ZNF711: variants seen among roughly 807,000 people sequenced by gnomAD.
The protein encoded by ZNF711 is ZFX family zinc finger ZNF711.
Under a neutral mutation model 43.5 loss-of-function variants are expected in ZNF711, and 3 were observed. The observed-to-expected ratio is 0.07, with a 90% CI of 0.03 to 0.18. The LOEUF (loss-of-function observed/expected upper bound fraction) is 0.18. Among genes scored for constraint, ZNF711 ranks in the 10% least tolerant of loss-of-function variants. The pLI is 1.00. For missense variants in ZNF711, 412 were observed against 604.0 expected, an observed-to-expected ratio of 0.68 and a Z score of 3.33; for synonymous variants, 209 against 207.7, an observed-to-expected ratio of 1.01 and a Z score of -0.06.
At chrX:85,259,921 A>G (rs1278198836) in intron 5 of ZNF711, among the ~76,000 whole-genome samples, 5 of 111,362 alleles carry the variant, frequency 4.5e-5, no homozygotes, top group African/African-American at 1.6e-4. Context: ...TTCCAGTACT[A>G]TGCTGAATAG....
At position 85,252,717 on chromosome X, in the gene ZNF711, C is replaced by T. The variant is rs748797394; in HGVS notation, c.80-2542C>T. 2.6e-3 allele frequency among the ~76,000 whole-genome samples: 290 copies of T among 111,560 alleles called. 2 individuals are homozygous for T. The highest frequency in any genetic ancestry group is 9.2e-3 in the African/African-American group (283 of 30,714). On this transcript the variant is annotated intron_variant, in intron 4 of 10. Transcript: ENST00000674551. ...TAAAAATACTTGTTTTATACATACT[C>T]CCTTCGTGTACCAGACTTCCAGGAT...
intron 5 of ZNF711, among the ~76,000 whole-genome samples, chrX:85,258,795 T>C (rs1930393540): frequency 9.0e-6 from 1 of 110,574 alleles, no homozygotes; most frequent in African/African-American, 3.3e-5. Context: ...CTTTGTAGAT[T>C]CTGGATATTA....
chrX:85,260,809 C>G (rs980148287), intron 5 of ZNF711, among the ~76,000 whole-genome samples: 3 of 110,341 alleles, frequency 2.7e-5, no homozygotes, highest in Non-Finnish European at 3.8e-5. Context: ...GTGCTGAACC[C>G]CGCCCCCCCT....
intron 5 of ZNF711, among the ~76,000 whole-genome samples, chrX:85,261,813 G>A (rs1930672572): frequency 9.0e-6 from 1 of 110,597 alleles, no homozygotes; most frequent in Non-Finnish European, 1.9e-5. Flanking sequence ...CAACACTATT[G>A]GACTTGAATA....
chrX:85,263,058 A>G (rs1218161499), intron 5 of ZNF711, among the ~76,000 whole-genome samples: 2 of 110,498 alleles, frequency 1.8e-5, no homozygotes, highest in Non-Finnish European at 3.8e-5. Flanking sequence ...TGTTACATAT[A>G]TATAATAAGG....
chrX:85,270,104 G>T lies in ZNF711; in HGVS notation c.1204G>T (p.Ala402Ser). Residue 402 changes from alanine to serine, a missense_variant, in exon 10 of 11, where the codon GCC (alanine) becomes TCC (serine). Around this residue, in one of 4 missense-constraint regions of ZNF711, gnomAD observed 375 missense variants for 514.2 expected, o/e 0.73. Transcript: ENST00000674551. Reference protein sequence around the residue: ...INTNKVLKQKAKKRRRGETRQ... With the variant: ...INTNKVLKQKSKKRRRGETRQ... ...TACAAATAAAGTACTTAAACAAAAA[G>T]CCAAAAAGAGGAGAAGGGGAGAAAC... 8.3e-7 allele frequency: 1 copy of T among 1,209,729 alleles called. No individual in the cohort carries two copies. Among genetic ancestry groups the T allele is most frequent in the Non-Finnish European group, 1.1e-6 (1 of 894,527 alleles).
At chrX:85,249,500 GA>G (rs1416869891) in intron 4 of ZNF711, among the ~76,000 whole-genome samples, 1 of 109,357 alleles carries the variant, frequency 9.1e-6, no homozygotes, top group Non-Finnish European at 1.9e-5. Flanking sequence ...TTCAAAAGAT[GA>G]AAAAAAAATC....
rs751833790 is a variant in ZNF711, at chrX:85,271,282, T to C, written c.1878T>C (p.His626=). 8.3e-7 allele frequency: 1 copy of C among 1,210,276 alleles called. No individual in the cohort carries two copies. The highest frequency in any genetic ancestry group is 1.1e-6 in the Non-Finnish European group (1 of 894,819). The change falls in exon 11 of 11, where the codon CAT becomes CAC. Residue 626 remains histidine (H), a synonymous_variant. Coordinates refer to ENST00000674551, the MANE Select transcript of ZNF711 (RefSeq NM_001330574.2). Reference sequence around the variant, plus strand: ...GTGATGAGAGGGAGCTTCAACGCCATCTGGATTTGTTTCAAGGACATAAGA... The same window carrying C: ...GTGATGAGAGGGAGCTTCAACGCCACCTGGATTTGTTTCAAGGACATAAGA... ...AFGDERELQR[H]LDLFQGHKTH... is the part of the protein sequence containing the mutation.
intron 9 of ZNF711, among the ~76,000 whole-genome samples, chrX:85,269,241 A>G (rs759576999): frequency 9.0e-6 from 1 of 111,726 alleles, no homozygotes; most frequent in East Asian, 2.8e-4. Context: ...ATAATGGTTC[A>G]GTAATATGTC....
intron 4 of ZNF711, among the ~76,000 whole-genome samples, chrX:85,250,579 G>GT (rs770029181): frequency 1.8e-4 from 20 of 111,414 alleles, no homozygotes; most frequent in African/African-American, 6.5e-4. Flanking sequence ...TGAGTTAGTG[G>GT]TTTTTTCAAA....
intron 5 of ZNF711, among the ~76,000 whole-genome samples, chrX:85,258,039 A>G (rs1164927323): frequency 1.8e-5 from 2 of 112,698 alleles, no homozygotes; most frequent in Admixed American, 1.9e-4. Flanking sequence ...CTAGGTATCT[A>G]CCCAGAGGAA....
At chrX:85,245,004 A>G (rs1254646603) in intron 1 of ZNF711, 2 of 112,169 alleles carry the variant, frequency 1.8e-5, no homozygotes, top group African/African-American at 6.5e-5. Flanking sequence ...CTCAGAGGGC[A>G]CGTGTGTGCA....
intron 7 of ZNF711, 82 bp downstream of exon 7, chrX:85,265,337 T>C: frequency 1.9e-6 from 2 of 1,038,267 alleles, no homozygotes; most frequent in Non-Finnish European, 2.7e-6. Context: ...ACAAGCACTG[T>C]ATAGGAACAA....
chrX:85,268,386 T>C, intron 9 of ZNF711, 45 bp downstream of exon 9: 1 of 1,174,136 alleles, frequency 8.5e-7, no homozygotes, highest in African/African-American at 1.8e-5. Context: ...GTTCTGGCTT[T>C]ATTTTATTTT....
At chrX:85,268,453 G>T (rs1289745543) in intron 9 of ZNF711, 112 bp downstream of exon 9, 1 of 877,434 alleles carries the variant, frequency 1.1e-6, no homozygotes, top group Non-Finnish European at 1.6e-6. Context: ...ACTCTTACTT[G>T]CTTAGTCATA....
At chrX:85,252,178 C>G (rs1014911156) in intron 4 of ZNF711, among the ~76,000 whole-genome samples, 2 of 111,933 alleles carry the variant, frequency 1.8e-5, no homozygotes. Context: ...CTGCTGCTAC[C>G]CTGTGAGGGA....
At chrX:85,267,123 C>G (rs1247824926) in intron 7 of ZNF711, among the ~76,000 whole-genome samples, 155 bp from the exon 8 acceptor site, 1 of 110,783 alleles carries the variant, frequency 9.0e-6, no homozygotes, top group Non-Finnish European at 1.9e-5. Flanking sequence ...TGGCACTAGC[C>G]TCCAAAAGTG....
At chrX:85,253,798 CACAG>C (rs1555969909) in intron 4 of ZNF711, among the ~76,000 whole-genome samples, 15 of 109,559 alleles carry the variant, frequency 1.4e-4, no homozygotes, top group African/African-American at 4.4e-4. Flanking sequence ...CACACACACA[CACAG>C]ACACCCTTGG....
chrX:85,265,558 A>G (rs1323279679), intron 7 of ZNF711, among the ~76,000 whole-genome samples: 2 of 110,626 alleles, frequency 1.8e-5, no homozygotes, highest in African/African-American at 3.3e-5. Flanking sequence ...CTGAGTACCT[A>G]CTTTCTGTGC....
Sources: allele counts gnomAD v4.1 joint callset (sites outside exome capture counted in the v4.1 genomes callset), GRCh38; gene constraint gnomAD v4.1.1; regional missense constraint gnomAD v4.1.1; transcripts MANE v1.5; gene names NCBI Gene and HGNC (gene_info 2026-07-23, HGNC 2026-07-21).